DOCK1: variants seen among roughly 807,000 people sequenced by gnomAD.
DOCK1 encodes dedicator of cytokinesis protein 1.
Under a neutral mutation model 262.7 loss-of-function variants are expected in DOCK1, and 138 were observed. The ratio of observed to expected loss-of-function variants is 0.53; its 90% CI spans 0.46 to 0.61. The LOEUF (loss-of-function observed/expected upper bound fraction) is 0.61, where lower values mean the gene tolerates loss of function less well. Ranked by LOEUF, DOCK1 falls within the 20% of genes least tolerant of loss-of-function variation. The probability of loss-of-function intolerance (pLI) is 0.00; values close to 1 mark genes in which losing one functional copy is unlikely to be tolerated. For synonymous variants in DOCK1, 866 were observed against 867.4 expected (o/e 1.00, Z 0.03); for missense variants, 1,908 against 2,370.7 (o/e 0.80, Z 4.05).
intron 23 of DOCK1, among the ~76,000 whole-genome samples, chr10:127,078,099 C>A (rs971340714): frequency 7.2e-5 from 11 of 152,046 alleles, no homozygotes; most frequent in African/African-American, 2.7e-4. Context: ...AGCTGACACA[C>A]TGGAAATTGA....
At chr10:127,290,416 A>G (rs1228103152) in intron 29 of DOCK1, among the ~76,000 whole-genome samples, 1 of 152,174 alleles carries the variant, frequency 6.6e-6, no homozygotes, top group African/African-American at 2.4e-5. Flanking sequence ...TTGTGTTTTT[A>G]AAACTTTATT....
chr10:127,142,972 A>C (rs2133318569), intron 27 of DOCK1, among the ~76,000 whole-genome samples: 1 of 152,198 alleles, frequency 6.6e-6, no homozygotes, highest in Non-Finnish European at 1.5e-5. Context: ...CCTGCACCTA[A>C]GCTTTATTTT....
chr10:127,021,668 G>T (rs1327856518), intron 13 of DOCK1, among the ~76,000 whole-genome samples: 4 of 152,152 alleles, frequency 2.6e-5, no homozygotes, highest in Non-Finnish European at 5.9e-5. Context: ...TGTGCTCCAC[G>T]GTTCTTCTCG....
chr10:127,258,326 G>A (rs967983595), intron 29 of DOCK1, among the ~76,000 whole-genome samples: 3 of 151,862 alleles, frequency 2.0e-5, no homozygotes, highest in Admixed American at 6.6e-5. Context: ...AAGCTCTCTC[G>A]ACCACTCATT....
chr10:127,022,194 GTTC>G (rs2042481971), intron 13 of DOCK1, among the ~76,000 whole-genome samples: 2 of 151,914 alleles, frequency 1.3e-5, no homozygotes, highest in South Asian at 4.2e-4. Flanking sequence ...GGTCTGTTTT[GTTC>G]TTCTCTCTGT....
chr10:126,972,146 C>G (rs1055388974), intron 2 of DOCK1, among the ~76,000 whole-genome samples: 1 of 151,866 alleles, frequency 6.6e-6, no homozygotes, highest in Non-Finnish European at 1.5e-5. Context: ...GAACTCCCAA[C>G]CTCAGGTGAT....
chr10:127,321,626 A>T (rs577186825), intron 29 of DOCK1, among the ~76,000 whole-genome samples: 87 of 150,438 alleles, frequency 5.8e-4, no homozygotes, highest in African/African-American at 2.0e-3. Context: ...CTCTGAACCC[A>T]CTCCCCATGG....
At chr10:127,186,908 TA>T (rs2134040365) in intron 27 of DOCK1, among the ~76,000 whole-genome samples, 1 of 152,194 alleles carries the variant, frequency 6.6e-6, no homozygotes, top group South Asian at 2.1e-4. Flanking sequence ...TGCTGGAACA[TA>T]AGTCCAGGTC....
chr10:127,356,721 A>G (rs1479224805), intron 32 of DOCK1, among the ~76,000 whole-genome samples: 20 of 152,118 alleles, frequency 1.3e-4, no homozygotes, highest in Admixed American at 1.3e-3. Context: ...ACCAACGTTC[A>G]TGAAGGAGGT....
At chr10:127,315,191 G>A (rs973921371) in intron 29 of DOCK1, among the ~76,000 whole-genome samples, 3 of 152,146 alleles carry the variant, frequency 2.0e-5, no homozygotes, top group African/African-American at 7.2e-5. Flanking sequence ...GATGGTGGTG[G>A]TGTTAACAAG....
chr10:127,367,627 G>C (rs1191872081), intron 33 of DOCK1, among the ~76,000 whole-genome samples: 1 of 152,176 alleles, frequency 6.6e-6, no homozygotes, highest in East Asian at 1.9e-4. Context: ...CCTGTGAGAT[G>C]GGAGGCCCCA....
At chr10:127,069,111 C>T (rs931434592) in intron 23 of DOCK1, among the ~76,000 whole-genome samples, 1 of 152,188 alleles carries the variant, frequency 6.6e-6, no homozygotes, top group Admixed American at 6.5e-5. Flanking sequence ...GGCTTGATTC[C>T]TGGGTGATGA....
chr10:127,445,471 A>G (rs1375971001), intron 50 of DOCK1, among the ~76,000 whole-genome samples: 1 of 152,190 alleles, frequency 6.6e-6, no homozygotes, highest in Non-Finnish European at 1.5e-5. Context: ...GGCACTGGAT[A>G]TGTCTTTGGA....
intron 29 of DOCK1, among the ~76,000 whole-genome samples, chr10:127,275,514 G>A (rs904388894): frequency 1.3e-5 from 2 of 152,136 alleles, no homozygotes; most frequent in Admixed American, 6.5e-5. Flanking sequence ...ATGGTGTGTC[G>A]GGAGCTGTGA....
chr10:127,057,239 A>G (rs2045222299), intron 22 of DOCK1, among the ~76,000 whole-genome samples: 1 of 152,192 alleles, frequency 6.6e-6, no homozygotes, highest in African/African-American at 2.4e-5. Flanking sequence ...ACCTTGAGAG[A>G]AAAACAATTG....
Position 127,448,045 on chromosome 10 carries a change from T to TG in DOCK1, c.5565+503dup, listed in dbSNP as rs1278381416. Reference sequence around the variant, plus strand: ...AGCCTCACCTGGTGCTGGGAGCTCCTGGGTGGTGACAGGCACTCACCTTAC... The same window carrying TG: ...AGCCTCACCTGGTGCTGGGAGCTCCTGGGGTGGTGACAGGCACTCACCTTAC... On this transcript the variant is annotated intron_variant, in intron 51 of 51. Coordinates refer to ENST00000623213, the MANE Select transcript of DOCK1 (RefSeq NM_001290223.2). Among the ~76,000 whole-genome samples the TG allele has an allele frequency of 2.0e-5, 3 of 152,284 alleles. No individual in the cohort carries two copies. In the East Asian group the frequency reaches 5.8e-4, roughly 30 times the overall value.
At chr10:127,275,871 T>G (rs1182388514) in intron 29 of DOCK1, among the ~76,000 whole-genome samples, 1 of 152,224 alleles carries the variant, frequency 6.6e-6, no homozygotes, top group Admixed American at 6.5e-5. Flanking sequence ...TCAAATATTA[T>G]GATCTCTATA....
At chr10:127,242,032 C>T (rs1008172663) in intron 27 of DOCK1, among the ~76,000 whole-genome samples, 1 of 152,202 alleles carries the variant, frequency 6.6e-6, no homozygotes, top group Non-Finnish European at 1.5e-5. Flanking sequence ...GATTCACAGA[C>T]TTCCTGTTAA....
intron 29 of DOCK1, among the ~76,000 whole-genome samples, chr10:127,300,014 G>T (rs1409288146): frequency 1.3e-5 from 2 of 152,158 alleles, no homozygotes; most frequent in Admixed American, 6.5e-5. Flanking sequence ...TCCAAATTCA[G>T]CCTTCCCATG....
Sources: allele counts gnomAD v4.1 joint callset (sites outside exome capture counted in the v4.1 genomes callset), GRCh38; gene constraint gnomAD v4.1.1; transcripts MANE v1.5; gene names NCBI Gene and HGNC (gene_info 2026-07-23, HGNC 2026-07-21).